The following SEC16A variants were observed in gnomAD, a reference collection of about 807,000 sequenced individuals.
The protein encoded by SEC16A is SEC16 homolog A, endoplasmic reticulum export factor, also known as protein transport protein Sec16A.
A neutral mutation model predicts 221.9 loss-of-function variants in SEC16A; 110 were observed. That is an observed-to-expected ratio of 0.50 (90% CI 0.42 to 0.58). The LOEUF is 0.58. Ranked by LOEUF, SEC16A falls within the 20% of genes least tolerant of loss-of-function variation. SEC16A has a pLI of 0.00. For synonymous variants in SEC16A, 1,393 were observed against 1,257.7 expected, an observed-to-expected ratio of 1.11 and a Z score of -2.28; for missense variants, 3,165 against 3,097.8, an observed-to-expected ratio of 1.02 and a Z score of -0.52.
intron 23 of SEC16A, chr9:136,448,414 GT>G (rs1327221342): frequency 4.4e-5 from 31 of 702,164 alleles, no homozygotes; most frequent in Non-Finnish European, 8.1e-5. Flanking sequence ...GAGGATGGAG[GT>G]GGGGGGCGAT....
chr9:136,471,589 C>T (rs114984134), intron 4 of SEC16A, among the ~76,000 whole-genome samples: 6,481 of 152,260 alleles, frequency 0.043, 372 homozygotes, highest in African/African-American at 0.13. Flanking sequence ...CTCCGGAGAC[C>T]GGTGAAAAGC....
At chr9:136,483,974 A>G (rs1372760901), upstream of SEC16A, 2 of 198,002 alleles carry the variant, frequency 1.0e-5, no homozygotes, top group African/African-American at 2.4e-5. Flanking sequence ...CGCATCCTCT[A>G]CTGTCCCTTC....
chr9:136,449,107 C>T (rs1461496323), intron 23 of SEC16A, among the ~76,000 whole-genome samples: 1 of 152,306 alleles, frequency 6.6e-6, no homozygotes, highest in Middle Eastern at 3.4e-3. Context: ...ACAAAGCTTC[C>T]GACGTCCTCC....
rs1399826848 is a variant in SEC16A, at chr9:136,474,218, G to C, written c.3398C>G (p.Ala1133Gly). 1 of 1,610,442 alleles carries C rather than the reference G, an allele frequency of 6.2e-7. No individual in the cohort carries two copies. Among genetic ancestry groups the C allele is most frequent in the Admixed American group, 1.7e-5 (1 of 59,570 alleles). The change falls in exon 3 of 32, where the codon GCT becomes GGT. Residue 1133 changes from alanine to glycine, a missense_variant. Physicochemically the swap from Ala to Gly is moderately conservative, Grantham distance 60. This residue lies in a region of SEC16A where 2,030 missense variants were observed against 1,923.1 expected (regional missense o/e 1.06). Transcript: ENST00000684901. ...TGGCCACGGCTGCTCTGACGGCACA[G>C]CTGCCTGGCCGGAGCCACTGGACAC... is the stretch of plus-strand genomic sequence containing the variant. ...SLVSSGSGQA[A>G]VPSEQPWPQP...
chr9:136,483,339 G>A (rs1842659774), upstream of SEC16A, among the ~76,000 whole-genome samples: 1 of 109,564 alleles, frequency 9.1e-6, no homozygotes, highest in Non-Finnish European at 1.8e-5. Context: ...CCTTGGCCCC[G>A]CCCCTCTTCC....
chr9:136,463,517 T>G lies in SEC16A; in HGVS notation c.4593A>C (p.Lys1531Asn), dbSNP rs780531108. Residue 1531 changes from lysine (K) to asparagine (N), a missense_variant, in exon 11 of 32, where the codon AAA (lysine) becomes AAC (asparagine). This residue lies in a region of SEC16A where 1,088 missense variants were observed against 1,089.6 expected (regional missense o/e 1.00). Coordinates refer to ENST00000684901, the MANE Select transcript of SEC16A (RefSeq NM_014866.2). ...AATTCCAAAGAAGACTTGCAGACTC[T>G]TTGTCAATTAAGTTTTCATTCTGCA... ...KCLQNENLID[K>N]ESASLLWNFI... 3 of 1,613,888 alleles carry G rather than the reference T, an allele frequency of 1.9e-6. No individual in the cohort carries two copies. In the Admixed American group the frequency reaches 5.0e-5, roughly 27 times the overall value.
At position 136,455,739 on chromosome 9, in the gene SEC16A, T is replaced by G; in HGVS notation, c.5719A>C (p.Thr1907Pro). Residue 1907 changes from threonine (T) to proline (P), a missense_variant, in exon 20 of 32, where the codon ACT (threonine) becomes CCT (proline). By Grantham distance (38) the Thr-to-Pro change is conservative. Coordinates refer to ENST00000684901, the MANE Select transcript of SEC16A (RefSeq NM_014866.2). The part of the protein sequence containing the change: ...DGALPQQCPG[T>P]PSSEMEQLDR... ...AACTGCTCCATCTCGGAACTCGGAGTGCCAGGACACTGCTGCGGGAGGGCT... is the reference window on the plus strand; with the variant it reads ...AACTGCTCCATCTCGGAACTCGGAGGGCCAGGACACTGCTGCGGGAGGGCT... 1.3e-6 allele frequency: 2 copies of G among 1,598,740 alleles called. No homozygotes were observed. Among genetic ancestry groups the G allele is most frequent in the Non-Finnish European group, 1.7e-6 (2 of 1,173,146 alleles).
chr9:136,467,625 G>A (rs976992795), intron 5 of SEC16A, among the ~76,000 whole-genome samples: 4 of 152,082 alleles, frequency 2.6e-5, no homozygotes, highest in African/African-American at 9.7e-5. Context: ...ATATTAAAAG[G>A]TTACTTTAAA....
intron 23 of SEC16A, 89 bp from the exon 24 acceptor site, chr9:136,448,250 T>C (rs777481917): frequency 2.0e-5 from 22 of 1,082,602 alleles, no homozygotes; most frequent in Non-Finnish European, 3.1e-5. Flanking sequence ...CATGACCCAC[T>C]TCTGTGAGGC....
intron 9 of SEC16A, 126 bp from the exon 10 acceptor site, chr9:136,463,866 A>C (rs1839819948): frequency 1.1e-6 from 1 of 948,668 alleles, no homozygotes; most frequent in Non-Finnish European, 1.7e-6. Flanking sequence ...GCCCCGCCCC[A>C]CAGCAGGTGA....
chr9:136,478,665 G>A (rs1841954866), intron 2 of SEC16A, among the ~76,000 whole-genome samples, 44 bp downstream of exon 2: 2 of 151,086 alleles, frequency 1.3e-5, no homozygotes, highest in African/African-American at 2.4e-5. Flanking sequence ...GCAAGACCTT[G>A]TCTCTACAAA....
chr9:136,466,394 T>G lies in SEC16A; in HGVS notation c.3998A>C (p.Asp1333Ala). 1 of 1,604,396 alleles carries G rather than the reference T, an allele frequency of 6.2e-7. No individual in the cohort carries two copies. Among genetic ancestry groups the G allele is most frequent in the South Asian group, 1.1e-5 (1 of 89,614 alleles). ...RFTGSFDDDP[D>A]PHRDPYGEEV... ...TTCCCCATAAGGGTCTCTGTGCGGA[T>G]CGGGGTCATCGTCAAAACTCCCCGT... Residue 1333 changes from aspartate to alanine, a missense_variant, in exon 7 of 32, where the codon GAT becomes GCT. Asp to Ala is a moderately radical substitution (Grantham distance 126). Coordinates refer to ENST00000684901, the MANE Select transcript of SEC16A (RefSeq NM_014866.2). This position sits in a 1 kb window ranked among gnomAD's most constrained non-coding sequence, Gnocchi z 5.5.
chr9:136,471,587 A>T (rs974913906), intron 4 of SEC16A, among the ~76,000 whole-genome samples: 1 of 152,218 alleles, frequency 6.6e-6, no homozygotes, highest in Non-Finnish European at 1.5e-5. Flanking sequence ...GCCTCCGGAG[A>T]CCGGTGAAAA....
In SEC16A at chr9:136,459,505, C is replaced by T; in HGVS notation, c.5242G>A (p.Ala1748Thr). 6.2e-7 allele frequency: 1 copy of T among 1,607,558 alleles called. No individual in the cohort carries two copies. Among genetic ancestry groups the T allele is most frequent in the East Asian group, 2.2e-5 (1 of 44,714 alleles). The change falls in exon 16 of 32, where the codon GCG becomes ACG. Residue 1748 changes from alanine to threonine, a missense_variant. By Grantham distance (58) the Ala-to-Thr change is moderately conservative. This residue lies in a region of SEC16A where 1,088 missense variants were observed against 1,089.6 expected (regional missense o/e 1.00). Transcript: ENST00000684901. The surrounding 1 kb of genome is among the most constrained non-coding windows in gnomAD (Gnocchi z 6.1). ...TTCTTCGTGTAAACACCAAATCCCG[C>T]CTGGGCCATGAGGTAGCAGAAGTGG... ...AAHFCYLMAQAGFGVYTKKTT... is the reference protein window; with the variant it reads ...AAHFCYLMAQTGFGVYTKKTT...
chr9:136,472,941 G>T (rs1841077330), intron 3 of SEC16A, among the ~76,000 whole-genome samples: 1 of 152,216 alleles, frequency 6.6e-6, no homozygotes, highest in African/African-American at 2.4e-5. Context: ...CCGAAGTGAG[G>T]CCACGGCTTC....
rs76259794 is a variant in SEC16A at position 136,482,953 on chromosome 9, C to A, written c.-207G>T. On this transcript the variant is annotated 5_prime_UTR_variant, in exon 1 of 32. Coordinates refer to ENST00000684901, the MANE Select transcript of SEC16A (RefSeq NM_014866.2). The stretch of plus-strand genomic sequence containing the variant: ...GCCCCCTCACCCGCGCGGCTGAGAC[C>A]GATCCCTCAGGAGCCGCGGGCGAAA... The A allele has an allele frequency of 0.26, 252,880 of 983,640 alleles. 33,943 individuals are homozygous for A. The highest frequency in any genetic ancestry group is 0.27 in the Non-Finnish European group (227,412 of 828,406). The allele number at this position is 983,640 out of a possible 1,614,324, so 60.9% of individuals were successfully genotyped here. A position where few individuals can be genotyped will look rare whatever the true frequency, so the allele number is the denominator to read the frequency against.
At chr9:136,456,272 G>A (rs77218476) in intron 18 of SEC16A, 106 bp from the exon 19 acceptor site, 13,660 of 770,174 alleles carry the variant, frequency 0.018, 530 homozygotes, top group African/African-American at 0.13. Context: ...TGGCAATAAA[G>A]TTTAATTAGC....
chr9:136,448,611 C>CA, intron 23 of SEC16A: 1 of 692,728 alleles, frequency 1.4e-6, no homozygotes, highest in Non-Finnish European at 2.6e-6. Context: ...GGGAGCAGAT[C>CA]CAGACACACC....
At chr9:136,465,905 C>A (rs1162965994) in intron 8 of SEC16A, 57 bp downstream of exon 8, 21 of 1,546,356 alleles carry the variant, frequency 1.4e-5, no homozygotes, top group Non-Finnish European at 1.8e-5. Flanking sequence ...AGATGCCAGG[C>A]TGGGTGGCCG....
Sources: allele counts gnomAD v4.1 joint callset (sites outside exome capture counted in the v4.1 genomes callset), GRCh38; gene constraint gnomAD v4.1.1; regional missense constraint gnomAD v4.1.1; non-coding constraint Gnocchi (gnomAD v3.1); transcripts MANE v1.5; gene names NCBI Gene and HGNC (gene_info 2026-07-23, HGNC 2026-07-21).